The following MTUS2 variants were observed in gnomAD, a reference collection of about 807,000 sequenced individuals.
MTUS2 encodes the protein microtubule-associated tumor suppressor candidate 2.
MTUS2 carries 40 observed loss-of-function variants against 114.1 expected under a neutral mutation model. That is an observed-to-expected ratio of 0.35 (90% CI 0.27 to 0.46). MTUS2 has a LOEUF of 0.46. Ranked by LOEUF, MTUS2 falls within the 20% of genes least tolerant of loss-of-function variation. The probability of loss-of-function intolerance (pLI) is 1.00; values close to 1 mark genes in which losing one functional copy is unlikely to be tolerated. For missense variants in MTUS2, 1,679 were observed against 1,705.4 expected (o/e 0.98, Z 0.27); for synonymous variants, 688 against 672.0 (o/e 1.02, Z -0.37).
intron 14 of MTUS2, among the ~76,000 whole-genome samples, chr13:29,499,591 C>G (rs1882757993): frequency 6.6e-6 from 1 of 152,256 alleles, no homozygotes; most frequent in African/African-American, 2.4e-5. Context: ...AAGGTAGTAT[C>G]TGCGTGCACA....
At chr13:29,239,728 T>G (rs1896665395) in intron 5 of MTUS2, 1 of 152,194 alleles carries the variant, frequency 6.6e-6, no homozygotes, top group Non-Finnish European at 1.5e-5. Context: ...CAATAGCTGC[T>G]TTTTCTATTT....
intron 5 of MTUS2, among the ~76,000 whole-genome samples, chr13:29,102,874 T>C (rs1455323608): frequency 6.6e-6 from 1 of 152,190 alleles, no homozygotes; most frequent in Non-Finnish European, 1.5e-5. Flanking sequence ...TTGAGAGAGC[T>C]AAAAGTCCTT....
intron 5 of MTUS2, among the ~76,000 whole-genome samples, chr13:29,120,864 G>T (rs1029168513): frequency 1.8e-4 from 27 of 152,288 alleles, no homozygotes; most frequent in African/African-American, 6.5e-4. Flanking sequence ...ATGAAAGAAG[G>T]TTGTATAAAA....
At chr13:28,848,738 A>T (rs1172954684) in intron 2 of MTUS2, among the ~76,000 whole-genome samples, 1 of 151,968 alleles carries the variant, frequency 6.6e-6, no homozygotes, top group African/African-American at 2.4e-5. Context: ...TGACGAGGAG[A>T]TATTTTTGGC....
At chr13:29,263,174 A>C (rs1897540371) in intron 5 of MTUS2, among the ~76,000 whole-genome samples, 1 of 152,212 alleles carries the variant, frequency 6.6e-6, no homozygotes, top group Non-Finnish European at 1.5e-5. Flanking sequence ...TTGCTTTCAA[A>C]GCCTGTCCAG....
intron 3 of MTUS2, among the ~76,000 whole-genome samples, chr13:29,028,684 T>C (rs1397789975): frequency 2.6e-5 from 4 of 152,062 alleles, no homozygotes; most frequent in African/African-American, 4.8e-5. Flanking sequence ...TATTTCTTCC[T>C]AGCACCTACC....
chr13:29,167,422 C>CTT (rs56408684), intron 5 of MTUS2, among the ~76,000 whole-genome samples: 1 of 144,638 alleles, frequency 6.9e-6, no homozygotes, highest in East Asian at 2.0e-4. Flanking sequence ...TTTTTTCTTT[C>CTT]TTTTTTTTTT....
At position 29,498,510 on chromosome 13, in the gene MTUS2, AAAG is replaced by A. The variant is rs777114865; in HGVS notation, c.3776_3778del (p.Lys1259del). 2 of 1,614,222 alleles carry A rather than the reference AAAG, an allele frequency of 1.2e-6. No individual in the cohort carries two copies. Among genetic ancestry groups the A allele is most frequent in the Non-Finnish European group, 1.7e-6 (2 of 1,180,040 alleles). On this transcript the variant is annotated inframe_deletion, in exon 14 of 16. Transcript: ENST00000612955. ...AGAATCAGCAAATACACGAGCAAGA[AAAG>A]AAGATTCTTGAGCTGGAAAAGCTGG...
At chr13:28,837,400 G>C (rs1023080363) in intron 1 of MTUS2, among the ~76,000 whole-genome samples, 8 of 152,102 alleles carry the variant, frequency 5.3e-5, no homozygotes, top group African/African-American at 1.9e-4. Context: ...ATCAGCTTCC[G>C]TGTACTGTTT....
At chr13:29,131,231 G>A (rs116466706) in intron 5 of MTUS2, among the ~76,000 whole-genome samples, 1,752 of 152,348 alleles carry the variant, frequency 0.011, 37 homozygotes, top group African/African-American at 0.04. Flanking sequence ...TCTCTTTATA[G>A]TCATAGAGGT....
chr13:29,452,882 TG>T (rs1878828623), intron 9 of MTUS2, among the ~76,000 whole-genome samples: 1 of 152,214 alleles, frequency 6.6e-6, no homozygotes, highest in Non-Finnish European at 1.5e-5. Flanking sequence ...CTGCCTCCAC[TG>T]GTTTGGGACT....
At chr13:29,203,820 C>G (rs1044514977) in intron 5 of MTUS2, among the ~76,000 whole-genome samples, 1 of 152,256 alleles carries the variant, frequency 6.6e-6, no homozygotes, top group African/African-American at 2.4e-5. Context: ...GGCAGCACCC[C>G]ACCCTGCTTC....
chr13:29,125,380 A>G (rs1008260735), intron 5 of MTUS2, among the ~76,000 whole-genome samples: 5 of 152,210 alleles, frequency 3.3e-5, no homozygotes, highest in Admixed American at 6.5e-5. Context: ...GTCGTTTGCA[A>G]TTCAACCCAA....
intron 4 of MTUS2, among the ~76,000 whole-genome samples, chr13:29,053,824 T>C (rs899274251): frequency 6.6e-6 from 1 of 152,170 alleles, no homozygotes; most frequent in Non-Finnish European, 1.5e-5. Flanking sequence ...TTGATAGACA[T>C]TTGGGTTATT....
chr13:28,874,724 C>T (rs748138360), intron 2 of MTUS2, among the ~76,000 whole-genome samples: 7 of 152,194 alleles, frequency 4.6e-5, no homozygotes, highest in Admixed American at 4.6e-4. Context: ...TCAGTTCACA[C>T]AAGGAGCAAC....
At chr13:29,197,521 A>G (rs891405521) in intron 5 of MTUS2, among the ~76,000 whole-genome samples, 2 of 152,206 alleles carry the variant, frequency 1.3e-5, no homozygotes, top group African/African-American at 4.8e-5. Context: ...TAGTGCAGCA[A>G]TAAACATACG....
At chr13:29,010,074 G>A (rs765795690) in intron 2 of MTUS2, among the ~76,000 whole-genome samples, 56 of 152,130 alleles carry the variant, frequency 3.7e-4, no homozygotes, top group Admixed American at 1.6e-3. Flanking sequence ...AGCTGGGCAT[G>A]GTGGCACGTG....
At chr13:29,095,967 AG>A (rs1284539031) in intron 4 of MTUS2, among the ~76,000 whole-genome samples, 5 of 152,016 alleles carry the variant, frequency 3.3e-5, no homozygotes, top group African/African-American at 1.2e-4. Context: ...GTCTTTTCAT[AG>A]GCAGTTTCTG....
At chr13:29,268,235 G>A (rs1297318544) in intron 5 of MTUS2, among the ~76,000 whole-genome samples, 1 of 152,114 alleles carries the variant, frequency 6.6e-6, no homozygotes, top group Non-Finnish European at 1.5e-5. Context: ...GGGACAATAA[G>A]CTCTTTGAAA....
Sources: gnomAD v4.1 joint callset for allele counts (sites outside exome capture counted in the v4.1 genomes callset) on GRCh38, gnomAD v4.1.1 for gene constraint, MANE v1.5 for transcripts, NCBI Gene and HGNC (gene_info 2026-07-23, HGNC 2026-07-21) for gene names.